Variants in ENOX1 observed in about 807,000 individuals in gnomAD.
The protein encoded by ENOX1 is ecto-NOX disulfide-thiol exchanger 1, also known as candidate growth-related and time keeping constitutive hydroquinone (NADH) oxidase.
A neutral mutation model predicts 82.5 loss-of-function variants in ENOX1; 42 were observed. The observed-to-expected ratio is 0.51, with a 90% CI of 0.40 to 0.66. The LOEUF is 0.66. Ranked by LOEUF, ENOX1 falls within the 30% of genes least tolerant of loss-of-function variation. The probability of loss-of-function intolerance (pLI) is 0.00; values close to 1 mark genes in which losing one functional copy is unlikely to be tolerated. For synonymous variants in ENOX1, 271 were observed against 282.2 expected (o/e 0.96, Z 0.40); for missense variants, 608 against 811.6 (o/e 0.75, Z 3.05).
intron 14 of ENOX1, among the ~76,000 whole-genome samples, chr13:43,260,044 G>GA (rs1230166882): frequency 6.6e-6 from 1 of 152,174 alleles, no homozygotes; most frequent in Non-Finnish European, 1.5e-5. Context: ...CTAAAGGGTG[G>GA]AAGCTACATT....
chr13:43,347,594 G>A (rs2049473205), intron 8 of ENOX1, among the ~76,000 whole-genome samples: 2 of 152,210 alleles, frequency 1.3e-5, no homozygotes, highest in South Asian at 4.1e-4. Flanking sequence ...GATATTGGGA[G>A]CGGTCATTTT....
intron 2 of ENOX1, among the ~76,000 whole-genome samples, chr13:43,578,522 T>G (rs2153715883): frequency 6.6e-6 from 1 of 152,306 alleles, no homozygotes; most frequent in Non-Finnish European, 1.5e-5. Context: ...ATAATGAAAT[T>G]TATCCTCAGT....
At chr13:43,440,745 T>C (rs1392316680) in intron 3 of ENOX1, among the ~76,000 whole-genome samples, 2 of 152,166 alleles carry the variant, frequency 1.3e-5, no homozygotes, top group Non-Finnish European at 2.9e-5. Flanking sequence ...TCCAGGTAAA[T>C]TTATACATAT....
chr13:43,716,092 T>C (rs299336), intron 1 of ENOX1, among the ~76,000 whole-genome samples: 48,832 of 152,158 alleles, frequency 0.32, 8,289 homozygotes, highest in East Asian at 0.48. Context: ...CTTTGTTCCG[T>C]TGCTGGTGAG....
rs1002854142 is a variant in ENOX1 at position 43,340,008 on chromosome 13, C to T, written c.1036+4530G>A. 2.0e-5 allele frequency among the ~76,000 whole-genome samples: 3 copies of T among 152,192 alleles called. No individual in the cohort carries two copies. The East Asian group carries it at 5.8e-4, about 29-fold the overall frequency. On this transcript the variant is annotated intron_variant, in intron 9 of 16. Transcript: ENST00000690772. ...TCCTGACATCAAACACATCTTACCACACTGAACAGAGCTGTGGAAAGCAAG... is the reference window on the plus strand; with the variant it reads ...TCCTGACATCAAACACATCTTACCATACTGAACAGAGCTGTGGAAAGCAAG...
At chr13:43,534,772 G>T (rs772611937) in intron 2 of ENOX1, among the ~76,000 whole-genome samples, 11 of 152,140 alleles carry the variant, frequency 7.2e-5, no homozygotes, top group Non-Finnish European at 1.5e-4. Flanking sequence ...ATGGGGCTGG[G>T]GGGTGTTGCC....
chr13:43,320,512 C>T (rs987653683), intron 11 of ENOX1, among the ~76,000 whole-genome samples: 11 of 152,144 alleles, frequency 7.2e-5, no homozygotes, highest in Non-Finnish European at 1.6e-4. Flanking sequence ...GGCCGGGCCC[C>T]GATCCTATAA....
intron 8 of ENOX1, among the ~76,000 whole-genome samples, chr13:43,353,436 A>T (rs965833158): frequency 2.0e-4 from 30 of 152,234 alleles, no homozygotes; most frequent in African/African-American, 7.0e-4. Flanking sequence ...AAAAAAATCA[A>T]ATCCAATTAG....
chr13:43,527,425 C>G (rs1199612075), intron 2 of ENOX1, among the ~76,000 whole-genome samples: 3 of 152,056 alleles, frequency 2.0e-5, no homozygotes, highest in Non-Finnish European at 4.4e-5. Context: ...ATAACTTGCC[C>G]AACCCAAGTT....
chr13:43,615,005 T>C (rs909692340), intron 2 of ENOX1, among the ~76,000 whole-genome samples: 2 of 152,154 alleles, frequency 1.3e-5, no homozygotes, highest in Non-Finnish European at 2.9e-5. Context: ...AATTTGAATA[T>C]ATTTTGAGAG....
chr13:43,748,581 A>C (rs758350943), intron 1 of ENOX1, among the ~76,000 whole-genome samples: 17 of 152,184 alleles, frequency 1.1e-4, no homozygotes, highest in Non-Finnish European at 2.4e-4. Flanking sequence ...TCTTGAATTT[A>C]CTACCTGACC....
rs550517089 is a variant in ENOX1 at position 43,283,200 on chromosome 13, T to C, written c.1447-13623A>G. On this transcript the variant is annotated intron_variant, in intron 12 of 16. Coordinates refer to ENST00000690772, the MANE Select transcript of ENOX1 (RefSeq NM_001347969.2). Reference sequence around the variant, plus strand: ...TGTCTGTATCTCCAAAGTTAAAAAATTGTCATAAAACTATTCCTAATATTC... The same window carrying C: ...TGTCTGTATCTCCAAAGTTAAAAAACTGTCATAAAACTATTCCTAATATTC... Among the ~76,000 whole-genome samples, 5 of 152,280 alleles carry C rather than the reference T, an allele frequency of 3.3e-5. No individual in the cohort carries two copies. In the East Asian group the frequency reaches 9.6e-4, roughly 29 times the overall value.
At chr13:43,741,628 T>A (rs2089916922) in intron 1 of ENOX1, among the ~76,000 whole-genome samples, 1 of 152,224 alleles carries the variant, frequency 6.6e-6, no homozygotes, top group African/African-American at 2.4e-5. Flanking sequence ...TCTTTACATA[T>A]CCAATATACA....
At chr13:43,366,490 A>G (rs2050859420) in intron 5 of ENOX1, among the ~76,000 whole-genome samples, 1 of 152,060 alleles carries the variant, frequency 6.6e-6, no homozygotes, top group Non-Finnish European at 1.5e-5. Flanking sequence ...GTTAGCCAGG[A>G]TGGTCTCGAT....
intron 1 of ENOX1, among the ~76,000 whole-genome samples, chr13:43,711,370 A>G (rs531459236): frequency 5.3e-5 from 8 of 152,188 alleles, no homozygotes; most frequent in South Asian, 2.1e-4. Context: ...GAATAGTGCC[A>G]CAATAAACAT....
chr13:43,617,313 G>A (rs548387116), intron 2 of ENOX1, among the ~76,000 whole-genome samples: 2 of 152,176 alleles, frequency 1.3e-5, no homozygotes, highest in African/African-American at 4.8e-5. Context: ...TCCTTATTTT[G>A]TCCTGAGGAC....
At chr13:43,693,970 T>A (rs541922531) in intron 1 of ENOX1, among the ~76,000 whole-genome samples, 1 of 152,290 alleles carries the variant, frequency 6.6e-6, no homozygotes. Flanking sequence ...TAGGACTTGG[T>A]GACTGGTCTT....
intron 11 of ENOX1, among the ~76,000 whole-genome samples, chr13:43,317,251 T>G (rs989171504): frequency 7.4e-4 from 113 of 152,230 alleles, no homozygotes; most frequent in African/African-American, 2.7e-3. Flanking sequence ...CAGTGCTTCC[T>G]AAAAGGAAGT....
chr13:43,730,643 T>A (rs1221896647), intron 1 of ENOX1, among the ~76,000 whole-genome samples: 1 of 152,204 alleles, frequency 6.6e-6, no homozygotes, highest in East Asian at 1.9e-4. Flanking sequence ...CCTAACACCC[T>A]TCAGTAGTAC....
Sources: allele counts gnomAD v4.1 joint callset (sites outside exome capture counted in the v4.1 genomes callset), GRCh38; gene constraint gnomAD v4.1.1; transcripts MANE v1.5; gene names NCBI Gene and HGNC (gene_info 2026-07-23, HGNC 2026-07-21).